Variants in STAT5A observed in about 807,000 individuals in gnomAD.
STAT5A encodes the protein epididymis secretory sperm binding protein.
STAT5A carries 26 observed loss-of-function variants against 100.2 expected under a neutral mutation model. The observed-to-expected ratio is 0.26, with a 90% confidence interval of 0.19 to 0.36. STAT5A has a LOEUF of 0.36. STAT5A is among the 10% of genes least tolerant of loss of function. The pLI is 1.00. For synonymous variants in STAT5A, 330 were observed against 424.3 expected (o/e 0.78, Z 2.73); for missense variants, 634 against 1,027.5 (o/e 0.62, Z 5.24).
chr17:42,299,720 GATGGTCATGGTTTCC>G lies in STAT5A; in HGVS notation c.551-30_551-16del. On this transcript the variant is annotated splice_polypyrimidine_tract_variant and intron_variant, in intron 5 of 18. Transcript: ENST00000590949. Reference sequence around the variant, plus strand: ...GGCCTCCTGTTGGACACTAGGAGGTGATGGTCATGGTTTCCTCTTCTCTCCTCTAGCTCAGTTTGC... The same window carrying G: ...GGCCTCCTGTTGGACACTAGGAGGTGTCTTCTCTCCTCTAGCTCAGTTTGC... 1 of 1,614,148 alleles carries G rather than the reference GATGGTCATGGTTTCC, an allele frequency of 6.2e-7. No individual in the cohort carries two copies. The highest frequency in any genetic ancestry group is 8.5e-7 in the Non-Finnish European group (1 of 1,179,984).
chr17:42,299,116 G>C lies in STAT5A; in HGVS notation c.551-635G>C, dbSNP rs1396475187. Among the ~76,000 whole-genome samples, 4 of 152,158 alleles carry C rather than the reference G, an allele frequency of 2.6e-5. No individual in the cohort carries two copies. In the East Asian group the frequency reaches 7.7e-4, roughly 29 times the overall value. ...GGGACGAGACAGAGCCGCCGGGGCT[G>C]GGGTTCCCTGAAGAGGCCTTGCTGC... On this transcript the variant is annotated intron_variant, in intron 5 of 18. Transcript: ENST00000590949.
chr17:42,304,294 T>C lies in STAT5A; in HGVS notation c.1170-48T>C. 1.3e-6 allele frequency: 2 copies of C among 1,594,478 alleles called. No individual in the cohort carries two copies. Among genetic ancestry groups the C allele is most frequent in the Non-Finnish European group, 1.7e-6 (2 of 1,163,528 alleles). Reference sequence around the variant, plus strand: ...GCCCGAGGTGTGGACAGGACCATGCTCCTGGCCTGGGGCCCATGTGGAGCT... The same window carrying C: ...GCCCGAGGTGTGGACAGGACCATGCCCCTGGCCTGGGGCCCATGTGGAGCT... On this transcript the variant is annotated intron_variant, in intron 9 of 18. Coordinates refer to ENST00000590949, the MANE Select transcript of STAT5A (RefSeq NM_001288718.2). This position sits in a 1 kb window ranked among gnomAD's most constrained non-coding sequence, Gnocchi z 4.8.
Position 42,308,216 on chromosome 17 carries a change from C to T in STAT5A, c.1945C>T (p.Arg649Trp). 1.9e-6 allele frequency: 3 copies of T among 1,614,234 alleles called. No homozygotes were observed. Among genetic ancestry groups the T allele is most frequent in the Middle Eastern group, 1.6e-4 (1 of 6,062 alleles). The part of the protein sequence containing the change: ...NLWNLKPFTT[R>W]DFSIRSLADR... Reference sequence around the variant, plus strand: ...GTGGAACCTGAAACCATTCACCACGCGGGATTTCTCCATCAGGTCCCTGGC... The same window carrying T: ...GTGGAACCTGAAACCATTCACCACGTGGGATTTCTCCATCAGGTCCCTGGC... Residue 649 changes from arginine (R) to tryptophan (W), a missense_variant, in exon 16 of 19, where the codon CGG becomes TGG. Arg to Trp is a moderately radical substitution (Grantham distance 101). Transcript: ENST00000590949. The surrounding 1 kb of genome is among the most constrained non-coding windows in gnomAD (Gnocchi z 4.6).
chr17:42,292,475 C>T (rs533834759), intron 4 of STAT5A, among the ~76,000 whole-genome samples: 1 of 151,666 alleles, frequency 6.6e-6, no homozygotes, highest in East Asian at 1.9e-4. Flanking sequence ...GCTACAGGCG[C>T]CCACCACCAT....
At chr17:42,293,586 C>T (rs534326031) in intron 4 of STAT5A, among the ~76,000 whole-genome samples, 2 of 152,274 alleles carry the variant, frequency 1.3e-5, no homozygotes, top group African/African-American at 4.8e-5. Context: ...GTGTCCGATG[C>T]TGGGCTATCA....
Position 42,299,796 on chromosome 17 carries a change from G to C in STAT5A, c.596G>C (p.Ser199Thr). The C allele has an allele frequency of 1.2e-6, 2 of 1,614,060 alleles. No individual in the cohort carries two copies. The highest frequency in any genetic ancestry group is 1.7e-6 in the Non-Finnish European group (2 of 1,180,004). The change falls in exon 6 of 19, where the codon AGC becomes ACC. Residue 199 changes from serine (S) to threonine (T), a missense_variant. Coordinates refer to ENST00000590949, the MANE Select transcript of STAT5A (RefSeq NM_001288718.2). ...LAQLSPQERL[S>T]RETALQQKQV... is the part of the protein sequence containing the mutation. ...CAGCTGAGCCCCCAGGAGCGTCTGA[G>C]CCGGGAGACGGCCCTCCAGCAGAAG... is the stretch of plus-strand genomic sequence containing the variant.
At chr17:42,289,159 G>A (rs1203402174) in intron 1 of STAT5A, 6 of 398,098 alleles carry the variant, frequency 1.5e-5, no homozygotes, top group Non-Finnish European at 2.2e-5. Flanking sequence ...GGGAGAGGAA[G>A]ACGGGGAGGG....
rs182007321 is a variant in STAT5A at position 42,304,450 on chromosome 17, C to T, written c.1257+21C>T. ...ACATGGTGAGGACGGGGCCCACCCT[C>T]GGAGGGCAGGTCTGCCCAGAGCTGA... On this transcript the variant is annotated intron_variant, in intron 10 of 18. Transcript: ENST00000590949. The surrounding 1 kb of genome is among the most constrained non-coding windows in gnomAD (Gnocchi z 4.8). 75 of 1,614,202 alleles carry T rather than the reference C, an allele frequency of 4.6e-5. 1 individual carries two copies. Among genetic ancestry groups the T allele is most frequent in the East Asian group, 8.9e-5 (4 of 44,888 alleles).
chr17:42,294,138 C>T (rs1044922220), intron 4 of STAT5A, among the ~76,000 whole-genome samples: 3 of 152,062 alleles, frequency 2.0e-5, no homozygotes, highest in East Asian at 1.9e-4. Flanking sequence ...ATTGCTTGAA[C>T]CCAGGAGGGG....
At chr17:42,290,901 A>G (rs1284325221) in intron 3 of STAT5A, among the ~76,000 whole-genome samples, 1 of 152,184 alleles carries the variant, frequency 6.6e-6, no homozygotes, top group Non-Finnish European at 1.5e-5. Context: ...GGTTTCATGG[A>G]AGACAATTTT....
intron 4 of STAT5A, among the ~76,000 whole-genome samples, chr17:42,294,261 C>A (rs533316122): frequency 6.6e-6 from 1 of 151,900 alleles, no homozygotes; most frequent in Non-Finnish European, 1.5e-5. Flanking sequence ...AAAGGGTCTT[C>A]CAGCACAGCC....
chr17:42,298,036 C>T (rs553361603), intron 5 of STAT5A, among the ~76,000 whole-genome samples: 8 of 137,804 alleles, frequency 5.8e-5, no homozygotes, highest in East Asian at 5.1e-4. Context: ...GACGGGCTGT[C>T]GCTGGGAGGG....
At chr17:42,291,904 G>C in intron 3 of STAT5A, 68 bp from the exon 4 acceptor site, 1 of 1,555,338 alleles carries the variant, frequency 6.4e-7, no homozygotes, top group Non-Finnish European at 8.8e-7. Context: ...GGAAGGGCTG[G>C]GCATAGCATG....
Position 42,304,642 on chromosome 17 carries a change from T to C in STAT5A, c.1370T>C (p.Phe457Ser), listed in dbSNP as rs2081011313. The change falls in exon 11 of 19, where the codon TTC becomes TCC. Residue 457 changes from phenylalanine (F) to serine (S), a missense_variant. Around this residue, in one of 5 missense-constraint regions of STAT5A, gnomAD observed 210 missense variants for 428.4 expected, o/e 0.49. Coordinates refer to ENST00000590949, the MANE Select transcript of STAT5A (RefSeq NM_001288718.2). This position sits in a 1 kb window ranked among gnomAD's most constrained non-coding sequence, Gnocchi z 4.8. ...AGTGTTGGCAGCAATGAGCTTGTGT[T>C]CCAGGTGAAGGTGAGACCCCCAGCC... is the stretch of plus-strand genomic sequence containing the variant. ...QFSVGSNELV[F>S]QVKTLSLPVV... The C allele has an allele frequency of 6.2e-7, 1 of 1,614,034 alleles. No homozygotes were observed. The highest frequency in any genetic ancestry group is 1.7e-5 in the Admixed American group (1 of 59,994).
chr17:42,308,480 A>C lies in STAT5A; in HGVS notation c.2062+147A>C. On this transcript the variant is annotated intron_variant, in intron 16 of 18. Transcript: ENST00000590949. This position sits in a 1 kb window ranked among gnomAD's most constrained non-coding sequence, Gnocchi z 4.6. The stretch of plus-strand genomic sequence containing the variant: ...TGGGTTTTGGCCCATGGGGTGGTGG[A>C]GAGGATTTCAGGGCTCACAAATGAG... 1 of 1,053,150 alleles carries C rather than the reference A, an allele frequency of 9.5e-7. No individual in the cohort carries two copies. Among genetic ancestry groups the C allele is most frequent in the Non-Finnish European group, 1.4e-6 (1 of 732,556 alleles). The allele number at this position is 1,053,150 out of a possible 1,614,324, so 65.2% of individuals were successfully genotyped here. A position where few individuals can be genotyped will look rare whatever the true frequency, so the allele number is the denominator to read the frequency against.
intron 5 of STAT5A, among the ~76,000 whole-genome samples, chr17:42,298,774 A>G (rs1298884089): frequency 1.3e-5 from 2 of 152,206 alleles, no homozygotes; most frequent in Non-Finnish European, 2.9e-5. Flanking sequence ...GGCGTGAGCC[A>G]CTGCGCCCAG....
At chr17:42,309,123 C>T in intron 17 of STAT5A, 25 bp downstream of exon 17, 1 of 1,613,480 alleles carries the variant, frequency 6.2e-7, no homozygotes, top group East Asian at 2.2e-5. Context: ...GGCTGTGGCT[C>T]TCCTTCTGCC....
At chr17:42,295,393 C>T (rs1032052866) in intron 4 of STAT5A, among the ~76,000 whole-genome samples, 1 of 152,080 alleles carries the variant, frequency 6.6e-6, no homozygotes, top group Non-Finnish European at 1.5e-5. Context: ...TACTATCTGC[C>T]GTTATCTGCC....
intron 9 of STAT5A, among the ~76,000 whole-genome samples, chr17:42,302,803 G>A (rs1211032295): frequency 6.6e-6 from 1 of 151,810 alleles, no homozygotes; most frequent in African/African-American, 2.4e-5. Context: ...GCTTGGTAAC[G>A]TACACCTGTA....
Sources: allele counts gnomAD v4.1 joint callset (sites outside exome capture counted in the v4.1 genomes callset), GRCh38; gene constraint gnomAD v4.1.1; regional missense constraint gnomAD v4.1.1; non-coding constraint Gnocchi (gnomAD v3.1); transcripts MANE v1.5; gene names NCBI Gene and HGNC (gene_info 2026-07-23, HGNC 2026-07-21).